Variants in PDS5A observed in about 807,000 individuals in gnomAD.
The protein encoded by PDS5A is PDS5 cohesin associated factor A.
PDS5A carries 42 observed loss-of-function variants against 167.1 expected under a neutral mutation model. The observed-to-expected ratio is 0.25, with a 90% CI of 0.20 to 0.33. PDS5A has a LOEUF of 0.33. Among genes scored for constraint, PDS5A ranks in the 10% least tolerant of loss-of-function variants. The pLI is 1.00. For synonymous variants in PDS5A, 553 were observed against 554.6 expected, an observed-to-expected ratio of 1.00 and a Z score of 0.04; for missense variants, 1,033 against 1,605.9, an observed-to-expected ratio of 0.64 and a Z score of 6.10.
intron 26 of PDS5A, among the ~76,000 whole-genome samples, chr4:39,858,724 A>G (rs2109537332): frequency 6.6e-6 from 1 of 152,190 alleles, no homozygotes; most frequent in East Asian, 1.9e-4. Context: ...CCCAGGTTCA[A>G]GCAATTCTCC....
At chr4:39,914,115 C>T (rs1217242336) in intron 8 of PDS5A, among the ~76,000 whole-genome samples, 2 of 151,296 alleles carry the variant, frequency 1.3e-5, no homozygotes, top group Admixed American at 6.6e-5. Context: ...CTGCAATTTA[C>T]GTTCCAACAT....
intron 27 of PDS5A, 39 bp from the exon 28 acceptor site, chr4:39,849,009 G>A (rs1268222173): frequency 1.5e-6 from 2 of 1,372,598 alleles, no homozygotes; most frequent in Non-Finnish European, 2.0e-6. Flanking sequence ...TTTTAGTATT[G>A]CAAAATAATC....
chr4:39,832,305 CT>C (rs1715975657), intron 32 of PDS5A, among the ~76,000 whole-genome samples: 1 of 151,690 alleles, frequency 6.6e-6, no homozygotes. Flanking sequence ...GCTCCGCCCC[CT>C]GGGTTCATGC....
At chr4:39,931,417 C>A (rs1726053662) in intron 2 of PDS5A, among the ~76,000 whole-genome samples, 1 of 152,124 alleles carries the variant, frequency 6.6e-6, no homozygotes, top group Non-Finnish European at 1.5e-5. Flanking sequence ...TGGAAAGTGG[C>A]TTAGCTAAGT....
At chr4:39,833,267 T>C (rs1439585274) in intron 32 of PDS5A, among the ~76,000 whole-genome samples, 3 of 146,774 alleles carry the variant, frequency 2.0e-5, no homozygotes, top group African/African-American at 7.5e-5. Context: ...TCTGCTAAAA[T>C]TGAAGCAAGA....
chr4:39,867,733 AACACACAC>A (rs142147688), intron 22 of PDS5A, among the ~76,000 whole-genome samples: 527 of 130,688 alleles, frequency 4.0e-3, no homozygotes, highest in Middle Eastern at 0.017. Flanking sequence ...AAAAAACCAA[AACACACAC>A]ACACACACAC....
At chr4:39,881,862 G>A (rs1384619952) in intron 17 of PDS5A, among the ~76,000 whole-genome samples, 1 of 152,204 alleles carries the variant, frequency 6.6e-6, no homozygotes, top group East Asian at 1.9e-4. Context: ...GCCAAGGGCG[G>A]GGCCAGGTAG....
At chr4:39,969,882 G>A (rs896213957) in intron 2 of PDS5A, among the ~76,000 whole-genome samples, 1 of 151,816 alleles carries the variant, frequency 6.6e-6, no homozygotes, top group Admixed American at 6.6e-5. Flanking sequence ...AAGGTTTACA[G>A]AGAAGCTAAA....
intron 18 of PDS5A, among the ~76,000 whole-genome samples, chr4:39,879,208 G>C (rs1422353345): frequency 6.6e-6 from 1 of 151,940 alleles, no homozygotes; most frequent in African/African-American, 2.4e-5. Flanking sequence ...GCTCTATCAA[G>C]GGCTGCAGCT....
At chr4:39,867,145 G>A (rs534907360) in intron 22 of PDS5A, 148 bp from the exon 23 acceptor site, 13 of 593,576 alleles carry the variant, frequency 2.2e-5, no homozygotes, top group Non-Finnish European at 3.4e-5. Context: ...GCAACAATAC[G>A]AACTAATATT....
intron 29 of PDS5A, among the ~76,000 whole-genome samples, chr4:39,845,590 T>G (rs1292136163): frequency 6.6e-6 from 1 of 152,184 alleles, no homozygotes; most frequent in Non-Finnish European, 1.5e-5. Flanking sequence ...GAATTGTAAA[T>G]AAACTGTGCT....
chr4:39,926,896 A>G, intron 3 of PDS5A, 35 bp from the exon 4 acceptor site: 1 of 1,361,754 alleles, frequency 7.3e-7, no homozygotes, highest in Non-Finnish European at 9.6e-7. Context: ...TTTAGACACA[A>G]ATACTTTTCT....
At chr4:39,896,713 C>T (rs1171520340) in intron 16 of PDS5A, among the ~76,000 whole-genome samples, 1 of 151,174 alleles carries the variant, frequency 6.6e-6, no homozygotes. Flanking sequence ...ATGCAGTGGG[C>T]CATGATAACA....
chr4:39,940,222 G>C (rs1345019690), intron 2 of PDS5A, among the ~76,000 whole-genome samples: 2 of 151,326 alleles, frequency 1.3e-5, no homozygotes, highest in African/African-American at 4.9e-5. Flanking sequence ...CTGTCTGGAA[G>C]AAAAAATAAA....
intron 2 of PDS5A, among the ~76,000 whole-genome samples, chr4:39,930,246 A>AAAAAAAAAAAAAAATTTTTTTTTTTTT: frequency 1.1e-5 from 1 of 93,090 alleles, no homozygotes; most frequent in Non-Finnish European, 2.2e-5. Flanking sequence ...AAAAAAAAAA[A>AAAAAAAAAAAAAAATTTTTTTTTTTTT]GTTTTTTTGT....
chr4:39,941,087 G>A (rs1166598569), intron 2 of PDS5A, among the ~76,000 whole-genome samples: 1 of 152,206 alleles, frequency 6.6e-6, no homozygotes, highest in African/African-American at 2.4e-5. Flanking sequence ...TAACTCATAT[G>A]CTGTAAAAGC....
intron 21 of PDS5A, among the ~76,000 whole-genome samples, chr4:39,870,127 CA>C (rs1303200742): frequency 1.3e-5 from 2 of 151,062 alleles, no homozygotes; most frequent in Non-Finnish European, 3.0e-5. Flanking sequence ...AAAAGCAAAA[CA>C]AAAAAACTCC....
Position 39,929,162 on chromosome 4 carries a change from G to A in PDS5A, c.139-998C>T, listed in dbSNP as rs192500924. On this transcript the variant is annotated intron_variant, in intron 2 of 32. Coordinates refer to ENST00000303538, the MANE Select transcript of PDS5A (RefSeq NM_001100399.2). ...CACAGTTTACTTAATCTGTGTGATG[G>A]TTAATACTGAGTGTCAACTTGATTG... Among the ~76,000 whole-genome samples the A allele has an allele frequency of 1.1e-3, 163 of 152,136 alleles. 1 individual carries two copies. Among genetic ancestry groups the A allele is most frequent in the Non-Finnish European group, 1.0e-3 (71 of 68,014 alleles).
intron 2 of PDS5A, among the ~76,000 whole-genome samples, chr4:39,959,397 G>C (rs940814727): frequency 6.6e-6 from 1 of 152,032 alleles, no homozygotes; most frequent in African/African-American, 2.4e-5. Context: ...TGTCGTCTAG[G>C]CTGGAGCACA....
Sources: gnomAD v4.1 joint callset for allele counts (sites outside exome capture counted in the v4.1 genomes callset) on GRCh38, gnomAD v4.1.1 for gene constraint, MANE v1.5 for transcripts, NCBI Gene and HGNC (gene_info 2026-07-23, HGNC 2026-07-21) for gene names.